Variants in SMARCC1 observed in about 807,000 individuals in gnomAD.
SMARCC1 encodes SWI/SNF complex subunit SMARCC1.
SMARCC1 carries 43 observed loss-of-function variants against 147.4 expected under a neutral mutation model. That is an observed-to-expected ratio of 0.29 (90% CI 0.23 to 0.38). The LOEUF is 0.38. SMARCC1 is among the 10% of genes least tolerant of loss of function. The pLI, the probability that SMARCC1 is intolerant of heterozygous loss-of-function variation, is 1.00. For missense variants in SMARCC1, 1,119 were observed against 1,381.1 expected, an observed-to-expected ratio of 0.81 and a Z score of 3.01; for synonymous variants, 495 against 484.4, an observed-to-expected ratio of 1.02 and a Z score of -0.29.
chr3:47,664,133 C>T (rs2033388616), intron 19 of SMARCC1, among the ~76,000 whole-genome samples: 1 of 148,816 alleles, frequency 6.7e-6, no homozygotes, highest in Admixed American at 6.8e-5. Flanking sequence ...TTACATACTT[C>T]TATTTGTGCC....
intron 2 of SMARCC1, among the ~76,000 whole-genome samples, chr3:47,749,294 A>C (rs1005069697): frequency 3.9e-5 from 6 of 152,270 alleles, no homozygotes; most frequent in African/African-American, 1.4e-4. Context: ...TATCTCAAAC[A>C]ACAAATAAAA....
intron 2 of SMARCC1, among the ~76,000 whole-genome samples, chr3:47,761,097 C>T (rs1008650634): frequency 2.6e-5 from 4 of 151,820 alleles, no homozygotes; most frequent in African/African-American, 7.3e-5. Flanking sequence ...CGCGCTACCA[C>T]ACTCCAGACT....
At chr3:47,723,355 G>GTTTTT (rs71070218) in intron 6 of SMARCC1, among the ~76,000 whole-genome samples, 38 of 106,656 alleles carry the variant, frequency 3.6e-4, no homozygotes, top group Non-Finnish European at 5.0e-4. Flanking sequence ...TTTTTGTTGG[G>GTTTTT]TTTTTTTTTT....
chr3:47,609,838 T>C (rs890994767), intron 26 of SMARCC1, among the ~76,000 whole-genome samples: 11 of 152,130 alleles, frequency 7.2e-5, no homozygotes, highest in Admixed American at 7.2e-4. Context: ...TACTGTCCAA[T>C]CAGAGGCTGA....
At chr3:47,638,941 C>A (rs990124593) in intron 21 of SMARCC1, among the ~76,000 whole-genome samples, 161 bp from the exon 22 acceptor site, 9 of 152,148 alleles carry the variant, frequency 5.9e-5, no homozygotes, top group African/African-American at 2.2e-4. Flanking sequence ...AAACAACACA[C>A]ACTGTATGAT....
At chr3:47,650,868 T>C (rs2033181587) in intron 21 of SMARCC1, among the ~76,000 whole-genome samples, 3 of 152,018 alleles carry the variant, frequency 2.0e-5, no homozygotes, top group African/African-American at 7.2e-5. Context: ...TTTATAGAGC[T>C]TTTTAATAAA....
chr3:47,766,925 C>CTG (rs2034846984), intron 2 of SMARCC1, among the ~76,000 whole-genome samples: 1 of 152,112 alleles, frequency 6.6e-6, no homozygotes, highest in Non-Finnish European at 1.5e-5. Flanking sequence ...TGGCTCACGC[C>CTG]TGTAATCCCA....
chr3:47,770,599 G>A (rs528533402), intron 2 of SMARCC1, among the ~76,000 whole-genome samples: 1 of 151,854 alleles, frequency 6.6e-6, no homozygotes, highest in South Asian at 2.1e-4. Flanking sequence ...CTGCAGCCTG[G>A]GCAACACAGC....
chr3:47,629,321 T>G (rs1321255742), intron 24 of SMARCC1, among the ~76,000 whole-genome samples: 1 of 152,156 alleles, frequency 6.6e-6, no homozygotes, highest in Non-Finnish European at 1.5e-5. Context: ...ATCCGAGACC[T>G]CCAACCTCAG....
chr3:47,720,778 A>G, intron 6 of SMARCC1, 43 bp from the exon 7 acceptor site: 1 of 1,355,380 alleles, frequency 7.4e-7, no homozygotes, highest in Non-Finnish European at 1.0e-6. Flanking sequence ...CTGACAAAAT[A>G]ATAAAGAAAC....
intron 14 of SMARCC1, among the ~76,000 whole-genome samples, chr3:47,683,162 C>A (rs917754016): frequency 2.0e-5 from 3 of 152,204 alleles, no homozygotes; most frequent in African/African-American, 7.2e-5. Context: ...CCTGCCTCAG[C>A]CTCCTGAGTA....
At chr3:47,753,380 C>A (rs1470350472) in intron 2 of SMARCC1, among the ~76,000 whole-genome samples, 1 of 149,516 alleles carries the variant, frequency 6.7e-6, no homozygotes, top group African/African-American at 2.5e-5. Flanking sequence ...ATAATTTGTG[C>A]CATGGATTCC....
At chr3:47,655,525 T>G (rs1465127085) in intron 21 of SMARCC1, among the ~76,000 whole-genome samples, 1 of 151,382 alleles carries the variant, frequency 6.6e-6, no homozygotes, top group African/African-American at 2.4e-5. Flanking sequence ...GGTGAAACCC[T>G]GTCTCCACCA....
At chr3:47,644,752 C>A (rs1482611534) in intron 21 of SMARCC1, among the ~76,000 whole-genome samples, 1 of 152,130 alleles carries the variant, frequency 6.6e-6, no homozygotes, top group African/African-American at 2.4e-5. Context: ...AAGTGATCCG[C>A]CCGCCTCGGC....
chr3:47,598,220 T>C (rs1393262354), intron 26 of SMARCC1, among the ~76,000 whole-genome samples: 1 of 152,152 alleles, frequency 6.6e-6, no homozygotes, highest in East Asian at 1.9e-4. Flanking sequence ...GTATTCTAGG[T>C]GGCGTGAAGG....
At chr3:47,724,711 T>C (rs1382557829) in intron 6 of SMARCC1, among the ~76,000 whole-genome samples, 1 of 152,092 alleles carries the variant, frequency 6.6e-6, no homozygotes, top group African/African-American at 2.4e-5. Context: ...GAAAAAGAGA[T>C]GTTTAATGGG....
intron 10 of SMARCC1, among the ~76,000 whole-genome samples, chr3:47,706,122 A>T (rs1452050143): frequency 2.0e-5 from 3 of 152,012 alleles, no homozygotes; most frequent in Admixed American, 6.6e-5. Flanking sequence ...ACTTCTTACC[A>T]GTCATGCTTC....
At chr3:47,727,681 T>TCTCAGCTCACTGCAAC (rs1474515497) in intron 6 of SMARCC1, among the ~76,000 whole-genome samples, 1 of 151,400 alleles carries the variant, frequency 6.6e-6, no homozygotes, top group East Asian at 2.0e-4. Context: ...AGTGGTGCAA[T>TCTCAGCTCACTGCAAC]CTCAGCTCAC....
chr3:47,752,391 C>G (rs2034639022), intron 2 of SMARCC1, among the ~76,000 whole-genome samples: 1 of 152,110 alleles, frequency 6.6e-6, no homozygotes, highest in Non-Finnish European at 1.5e-5. Context: ...CTGAAGAGGC[C>G]CTGCCCTAAT....
Sources: allele counts gnomAD v4.1 joint callset (sites outside exome capture counted in the v4.1 genomes callset), GRCh38; gene constraint gnomAD v4.1.1; transcripts MANE v1.5; gene names NCBI Gene and HGNC (gene_info 2026-07-23, HGNC 2026-07-21).